DACH1: variants seen among roughly 807,000 people sequenced by gnomAD.
DACH1 encodes the protein dachshund family transcription factor 1.
A neutral mutation model predicts 54.2 loss-of-function variants in DACH1; 12 were observed. The ratio of observed to expected loss-of-function variants is 0.22; its 90% CI spans 0.14 to 0.36. The LOEUF is 0.36. Ranked by LOEUF, DACH1 falls within the 10% of genes least tolerant of loss-of-function variation. DACH1 has a pLI of 1.00. For synonymous variants in DACH1, 386 were observed against 366.2 expected (o/e 1.05, Z -0.62); for missense variants, 805 against 929.8 (o/e 0.87, Z 1.75).
At chr13:71,588,530 A>G (rs1432986171) in intron 3 of DACH1, among the ~76,000 whole-genome samples, 1 of 152,116 alleles carries the variant, frequency 6.6e-6, no homozygotes, top group Non-Finnish European at 1.5e-5. Context: ...TCAAAAATGC[A>G]AATCTACCTA....
intron 10 of DACH1, among the ~76,000 whole-genome samples, chr13:71,450,287 A>G (rs975891616): frequency 1.3e-5 from 2 of 151,694 alleles, no homozygotes; most frequent in African/African-American, 4.8e-5. Flanking sequence ...CATTTTGGTA[A>G]TTCTCCCAAT....
chr13:71,783,507 A>G (rs1205133855), intron 1 of DACH1, among the ~76,000 whole-genome samples: 1 of 152,162 alleles, frequency 6.6e-6, no homozygotes, highest in Non-Finnish European at 1.5e-5. Context: ...TTATAGGATG[A>G]TTGAGTTAAT....
intron 1 of DACH1, among the ~76,000 whole-genome samples, chr13:71,779,146 T>C (rs1314845454): frequency 1.5e-5 from 2 of 136,396 alleles, no homozygotes; most frequent in African/African-American, 2.8e-5. Context: ...TACACATATA[T>C]ACACATATAT....
chr13:71,531,439 G>T (rs1882408008), intron 6 of DACH1, among the ~76,000 whole-genome samples: 1 of 151,912 alleles, frequency 6.6e-6, no homozygotes, highest in Admixed American at 6.6e-5. Context: ...AAACTCAAAT[G>T]GCAAATCTCT....
At chr13:71,687,058 G>A (rs1348255856) in intron 1 of DACH1, among the ~76,000 whole-genome samples, 3 of 152,152 alleles carry the variant, frequency 2.0e-5, no homozygotes, top group African/African-American at 4.8e-5. Context: ...AAGCATTTAC[G>A]AGTGAAAGCA....
intron 1 of DACH1, among the ~76,000 whole-genome samples, chr13:71,727,387 A>G (rs1309868733): frequency 6.6e-6 from 1 of 151,976 alleles, no homozygotes; most frequent in Non-Finnish European, 1.5e-5. Context: ...AATTTTCTAG[A>G]TCTTCCCTAC....
chr13:71,530,240 A>C (rs1882322564), intron 6 of DACH1, among the ~76,000 whole-genome samples: 1 of 152,212 alleles, frequency 6.6e-6, no homozygotes, highest in Non-Finnish European at 1.5e-5. Context: ...GGAACCACAA[A>C]TAAGGCTCTC....
At chr13:71,588,724 G>T (rs2138453527) in intron 3 of DACH1, among the ~76,000 whole-genome samples, 2 of 151,504 alleles carry the variant, frequency 1.3e-5, no homozygotes, top group African/African-American at 4.8e-5. Flanking sequence ...TCTTACAATA[G>T]AAACACTAAG....
intron 10 of DACH1, among the ~76,000 whole-genome samples, 165 bp downstream of exon 10, chr13:71,474,975 AG>A (rs1334868566): frequency 6.6e-6 from 1 of 152,222 alleles, no homozygotes; most frequent in Non-Finnish European, 1.5e-5. Flanking sequence ...AAAATCTATC[AG>A]CACAAAATGA....
chr13:71,603,710 CAACA>C (rs1874673630), intron 3 of DACH1, among the ~76,000 whole-genome samples: 1 of 151,524 alleles, frequency 6.6e-6, no homozygotes, highest in Non-Finnish European at 1.5e-5. Context: ...ATAGATACTC[CAACA>C]AATAATATTT....
At chr13:71,542,325 G>A (rs919500004) in intron 6 of DACH1, among the ~76,000 whole-genome samples, 1 of 151,916 alleles carries the variant, frequency 6.6e-6, no homozygotes. Context: ...GTTCAAAGTT[G>A]TACATCAGGT....
chr13:71,505,135 T>G (rs922987325), intron 6 of DACH1, among the ~76,000 whole-genome samples: 3 of 152,114 alleles, frequency 2.0e-5, no homozygotes, highest in Non-Finnish European at 4.4e-5. Flanking sequence ...CAGGCTGGAG[T>G]GCAGTGGCAA....
At chr13:71,612,317 T>C (rs1875395805) in intron 3 of DACH1, among the ~76,000 whole-genome samples, 1 of 152,068 alleles carries the variant, frequency 6.6e-6, no homozygotes, top group African/African-American at 2.4e-5. Flanking sequence ...AATAATGTAA[T>C]TATATAAACT....
intron 6 of DACH1, among the ~76,000 whole-genome samples, chr13:71,520,133 T>C (rs1881484605): frequency 6.6e-6 from 1 of 151,242 alleles, no homozygotes; most frequent in South Asian, 2.1e-4. Context: ...TGAAGTCAAA[T>C]TTGGGTTTCT....
chr13:71,866,528 C>G lies in DACH1; in HGVS notation c.242G>C (p.Gly81Ala). Residue 81 changes from glycine (G) to alanine (A), a missense_variant, in exon 1 of 11, where the codon GGC becomes GCC. By Grantham distance (60) the Gly-to-Ala change is moderately conservative. Transcript: ENST00000613252. Reference sequence around the variant, plus strand: ...GCTGCTGCCGCCGCCGCCTCCGCTGCCGCCGCCGCCGCCGCCGCCGCCGGT... The same window carrying G: ...GCTGCTGCCGCCGCCGCCTCCGCTGGCGCCGCCGCCGCCGCCGCCGCCGGT... The part of the protein sequence containing the change: ...TSTGGGGGGG[G>A]SGGGGGSSGN... 3 of 1,036,626 alleles carry G rather than the reference C, an allele frequency of 2.9e-6. No individual in the cohort carries two copies. Among genetic ancestry groups the G allele is most frequent in the South Asian group, 8.9e-5 (2 of 22,352 alleles). 64.2% of individuals were successfully genotyped at this position (1,036,626 alleles called of 1,614,324 possible). A position where few individuals can be genotyped will look rare whatever the true frequency, so the allele number is the denominator to read the frequency against.
In DACH1 at chr13:71,439,222, C is replaced by T. The variant is rs11620294; in HGVS notation, c.*1433G>A. 1.0e-2 allele frequency: 1,518 copies of T among 152,344 alleles called. 19 individuals are homozygous for T. The highest frequency in any genetic ancestry group is 0.031 in the Middle Eastern group (9 of 294). 9.4% of individuals were successfully genotyped at this position (152,344 alleles called of 1,614,324 possible). ...GAAAAATCATAAAATGTATAGTGAC[C>T]GTACTGATTCATATCAGTCTTTAAA... On this transcript the variant is annotated 3_prime_UTR_variant, in exon 11 of 11. Coordinates refer to ENST00000613252, the MANE Select transcript of DACH1 (RefSeq NM_080759.6).
At chr13:71,466,971 A>C (rs1179991834) in intron 10 of DACH1, among the ~76,000 whole-genome samples, 1 of 152,016 alleles carries the variant, frequency 6.6e-6, no homozygotes, top group African/African-American at 2.4e-5. Context: ...ACAGACATAT[A>C]ATAACAATGG....
chr13:71,815,852 G>A (rs1457356787), intron 1 of DACH1, among the ~76,000 whole-genome samples: 9 of 152,082 alleles, frequency 5.9e-5, no homozygotes, highest in Non-Finnish European at 1.0e-4. Flanking sequence ...TTGGGAGGCC[G>A]AGGCGGGCGG....
At chr13:71,807,447 A>G (rs796395075) in intron 1 of DACH1, among the ~76,000 whole-genome samples, 6 of 146,278 alleles carry the variant, frequency 4.1e-5, no homozygotes, top group African/African-American at 1.3e-4. Context: ...AAAATCCTCA[A>G]TATGTAAAAA....
Sources: gnomAD v4.1 joint callset for allele counts (sites outside exome capture counted in the v4.1 genomes callset) on GRCh38, gnomAD v4.1.1 for gene constraint, MANE v1.5 for transcripts, NCBI Gene and HGNC (gene_info 2026-07-23, HGNC 2026-07-21) for gene names.